FMN1: variants seen among roughly 807,000 people sequenced by gnomAD.
The protein encoded by FMN1 is formin-1.
FMN1 carries 110 observed loss-of-function variants against 132.4 expected under a neutral mutation model. The ratio of observed to expected loss-of-function variants is 0.83; its 90% CI spans 0.71 to 0.97. The LOEUF is 0.97. Ranked by LOEUF, FMN1 falls within the 50% of genes least tolerant of loss-of-function variation. The pLI is 0.00. For missense variants in FMN1, 1,792 were observed against 1,705.3 expected, an observed-to-expected ratio of 1.05 and a Z score of -0.90; for synonymous variants, 722 against 651.7, an observed-to-expected ratio of 1.11 and a Z score of -1.64.
At chr15:33,032,781 G>A (rs116137913) in intron 6 of FMN1, among the ~76,000 whole-genome samples, 2 of 152,234 alleles carry the variant, frequency 1.3e-5, no homozygotes, top group South Asian at 4.2e-4. Context: ...TAAGACAACC[G>A]ATTCCATACC....
At position 33,154,765 on chromosome 15, in the gene FMN1, G is replaced by A; in HGVS notation, c.150C>T (p.Cys50=). Residue 50 remains cysteine, a synonymous_variant, in exon 4 of 21, where the codon TGC becomes TGT. Transcript: ENST00000616417. ...TGTCTGACTCCTCCCTGACTTGGTAGCAGTTATGAAAACCTTTATTGGATC... is the reference window on the plus strand; with the variant it reads ...TGTCTGACTCCTCCCTGACTTGGTAACAGTTATGAAAACCTTTATTGGATC... ...LDRSNKGFHN[C]YQVREESDII... The A allele has an allele frequency of 2.0e-6, 3 of 1,536,142 alleles. No homozygotes were observed. Among genetic ancestry groups the A allele is most frequent in the African/African-American group, 1.4e-5 (1 of 73,144 alleles).
intron 6 of FMN1, among the ~76,000 whole-genome samples, chr15:33,024,701 C>G (rs345861): frequency 0.4 from 60,135 of 151,978 alleles, 12,246 homozygotes; most frequent in Admixed American, 0.48. Context: ...TAAGTAAAAT[C>G]AGAAATTCTA....
Position 33,007,541 on chromosome 15 carries a change from G to A in FMN1, c.2223+473C>T, listed in dbSNP as rs139889097. 2.4e-4 allele frequency among the ~76,000 whole-genome samples: 36 copies of A among 152,184 alleles called. No homozygotes were observed. In the East Asian group the frequency reaches 6.4e-3, roughly 27 times the overall value. On this transcript the variant is annotated intron_variant, in intron 7 of 20. Coordinates refer to ENST00000616417, the MANE Select transcript of FMN1 (RefSeq NM_001277313.2). ...ATTTCCCAGCACTCTCTGAGGATAC[G>A]GAAGGGCTCAGAACTCCTCCTCCTC... is the stretch of plus-strand genomic sequence containing the variant.
At chr15:33,131,874 T>C (rs1963563593) in intron 4 of FMN1, among the ~76,000 whole-genome samples, 2 of 152,188 alleles carry the variant, frequency 1.3e-5, no homozygotes, top group South Asian at 4.1e-4. Flanking sequence ...GATAAAAGCA[T>C]TTTAAGATCC....
intron 6 of FMN1, among the ~76,000 whole-genome samples, chr15:33,046,180 CA>C (rs574287540): frequency 6.6e-6 from 1 of 151,936 alleles, no homozygotes; most frequent in Non-Finnish European, 1.5e-5. Flanking sequence ...GTCCTCATGT[CA>C]AAAAAAGAAA....
At chr15:33,056,436 A>G (rs2037219332) in intron 6 of FMN1, among the ~76,000 whole-genome samples, 1 of 152,162 alleles carries the variant, frequency 6.6e-6, no homozygotes. Flanking sequence ...CATACAGAAA[A>G]CCAAAGTGAG....
intron 16 of FMN1, among the ~76,000 whole-genome samples, chr15:32,886,994 G>T (rs1047390203): frequency 6.7e-6 from 1 of 149,634 alleles, no homozygotes; most frequent in African/African-American, 2.5e-5. Context: ...CCACATCAAT[G>T]GGAGAAAAAA....
intron 4 of FMN1, among the ~76,000 whole-genome samples, chr15:33,129,448 T>A (rs571189730): frequency 3.9e-5 from 6 of 152,362 alleles, no homozygotes; most frequent in African/African-American, 1.4e-4. Flanking sequence ...GCTTTCTCAG[T>A]ACCTGCACAT....
chr15:32,893,381 T>TGC (rs71424679), intron 15 of FMN1, among the ~76,000 whole-genome samples: 6 of 149,474 alleles, frequency 4.0e-5, no homozygotes, highest in Non-Finnish European at 6.0e-5. Flanking sequence ...TGTGTGTGTG[T>TGC]GCGCGCTCGT....
At chr15:32,973,560 C>G (rs2031959275) in intron 7 of FMN1, among the ~76,000 whole-genome samples, 1 of 151,266 alleles carries the variant, frequency 6.6e-6, no homozygotes, top group East Asian at 1.9e-4. Context: ...AATTTAATTG[C>G]CTCTCTCTGC....
At chr15:32,857,552 A>G (rs1176111431) in intron 16 of FMN1, among the ~76,000 whole-genome samples, 1 of 152,192 alleles carries the variant, frequency 6.6e-6, no homozygotes, top group African/African-American at 2.4e-5. Context: ...CAAGTTGTCT[A>G]GAACTACCAA....
intron 12 of FMN1, among the ~76,000 whole-genome samples, chr15:32,903,240 TCA>T (rs2060340074): frequency 6.6e-6 from 1 of 152,226 alleles, no homozygotes; most frequent in Non-Finnish European, 1.5e-5. Context: ...GTTTTAAAGT[TCA>T]ATAACCCATT....
chr15:32,780,057 G>A (rs896824196), intron 19 of FMN1, among the ~76,000 whole-genome samples: 2 of 152,174 alleles, frequency 1.3e-5, no homozygotes, highest in Admixed American at 6.5e-5. Context: ...CCCTGCACAA[G>A]GGAACTCTCT....
intron 7 of FMN1, among the ~76,000 whole-genome samples, chr15:32,989,957 A>G (rs964369007): frequency 6.6e-6 from 1 of 152,168 alleles, no homozygotes; most frequent in African/African-American, 2.4e-5. Flanking sequence ...TCATGTTTAC[A>G]TTGGGAGGGG....
intron 4 of FMN1, among the ~76,000 whole-genome samples, chr15:33,128,606 C>T (rs1963355985): frequency 6.6e-6 from 1 of 152,174 alleles, no homozygotes; most frequent in Non-Finnish European, 1.5e-5. Flanking sequence ...CAAACATACC[C>T]GCGGACCTTT....
At chr15:33,101,441 A>G (rs2039290418) in intron 4 of FMN1, among the ~76,000 whole-genome samples, 1 of 151,774 alleles carries the variant, frequency 6.6e-6, no homozygotes, top group African/African-American at 2.4e-5. Context: ...CACTAACACT[A>G]ACAATAGCTG....
At chr15:33,020,566 G>A (rs572457353) in intron 6 of FMN1, among the ~76,000 whole-genome samples, 1 of 150,670 alleles carries the variant, frequency 6.6e-6, no homozygotes, top group South Asian at 2.1e-4. Context: ...AGAACTGCTT[G>A]AACCCAGGAG....
intron 4 of FMN1, among the ~76,000 whole-genome samples, chr15:33,113,827 C>T (rs2039807172): frequency 6.6e-6 from 1 of 152,184 alleles, no homozygotes; most frequent in Non-Finnish European, 1.5e-5. Flanking sequence ...CCCTGAGGTA[C>T]CAGCACACTT....
At chr15:33,018,987 C>T (rs1426455287) in intron 6 of FMN1, among the ~76,000 whole-genome samples, 1 of 152,136 alleles carries the variant, frequency 6.6e-6, no homozygotes, top group African/African-American at 2.4e-5. Context: ...TGAGCAGCAG[C>T]AAGATTTATT....
Sources: gnomAD v4.1 joint callset for allele counts (sites outside exome capture counted in the v4.1 genomes callset) on GRCh38, gnomAD v4.1.1 for gene constraint, MANE v1.5 for transcripts, NCBI Gene and HGNC (gene_info 2026-07-23, HGNC 2026-07-21) for gene names.